The following ZEB1 variants were observed in gnomAD, a reference collection of about 807,000 sequenced individuals.
ZEB1 encodes zinc finger E-box binding homeobox 1, also known as zinc finger E-box-binding homeobox 1.
A neutral mutation model predicts 84.9 loss-of-function variants in ZEB1; 21 were observed. That is an observed-to-expected ratio of 0.25 (90% CI 0.18 to 0.36). The LOEUF is 0.36. Among genes scored for constraint, ZEB1 ranks in the 10% least tolerant of loss-of-function variants. The pLI is 1.00. For missense variants in ZEB1, 1,104 were observed against 1,330.2 expected, an observed-to-expected ratio of 0.83 and a Z score of 2.65; for synonymous variants, 420 against 471.1, an observed-to-expected ratio of 0.89 and a Z score of 1.41.
intron 1 of ZEB1, among the ~76,000 whole-genome samples, chr10:31,384,621 G>A (rs2048304149): frequency 6.6e-6 from 1 of 152,168 alleles, no homozygotes; most frequent in Non-Finnish European, 1.5e-5. Flanking sequence ...AAGTTTTGTA[G>A]GGAACTTAAA....
In ZEB1 at chr10:31,527,072, G is replaced by A; in HGVS notation, c.3186G>A (p.Gly1062=). 1 of 1,586,692 alleles carries A rather than the reference G, an allele frequency of 6.3e-7. No homozygotes were observed. Among genetic ancestry groups the A allele is most frequent in the Non-Finnish European group, 8.6e-7 (1 of 1,163,826 alleles). Residue 1062 remains glycine, a synonymous_variant, in exon 9 of 9, where the codon GGG becomes GGA. Coordinates refer to ENST00000424869, the MANE Select transcript of ZEB1 (RefSeq NM_001174096.2). ...AAAAAGAATGTGAAAAACCACAAGG[G>A]GATGAGGAAGAGGAGGAGGAGGAGG... ...QEEKECEKPQ[G]DEEEEEEEEE...
chr10:31,518,405 A>G (rs1592065199), intron 6 of ZEB1, among the ~76,000 whole-genome samples: 1 of 152,146 alleles, frequency 6.6e-6, no homozygotes, highest in East Asian at 1.9e-4. Context: ...TGACTTGAGA[A>G]GAAAAGTTAC....
chr10:31,457,195 C>A (rs972206294), intron 1 of ZEB1, among the ~76,000 whole-genome samples: 1 of 152,070 alleles, frequency 6.6e-6, no homozygotes, highest in African/African-American at 2.4e-5. Context: ...TTAAACAGTT[C>A]AGGGGTATAG....
intron 2 of ZEB1, among the ~76,000 whole-genome samples, chr10:31,471,555 A>G (rs1282177552): frequency 6.9e-6 from 1 of 145,052 alleles, no homozygotes; most frequent in Non-Finnish European, 1.5e-5. Flanking sequence ...ACCCAGATTC[A>G]TAAAGCAAGT....
chr10:31,522,537 C>G (rs1057094131), intron 7 of ZEB1, among the ~76,000 whole-genome samples: 1 of 152,136 alleles, frequency 6.6e-6, no homozygotes, highest in Non-Finnish European at 1.5e-5. Context: ...AATACATATG[C>G]ATTTTCCTCC....
rs752212757 is a variant in ZEB1, at chr10:31,521,817, G to T, written c.2485G>T (p.Ala829Ser). Residue 829 changes from alanine to serine, a missense_variant, in exon 7 of 9, where the codon GCG (alanine) becomes TCG (serine). By Grantham distance (99) the Ala-to-Ser change is moderately conservative. Coordinates refer to ENST00000424869, the MANE Select transcript of ZEB1 (RefSeq NM_001174096.2). ...CCAGAACAGTGTTCCATGCTTAAGA[G>T]CGCTAGCTGCCAATAAGCAAACGAT... ...ADQNSVPCLR[A>S]LAANKQTILI... 1.1e-5 allele frequency: 18 copies of T among 1,613,588 alleles called. No individual in the cohort carries two copies. Among genetic ancestry groups the T allele is most frequent in the Non-Finnish European group, 1.4e-5 (16 of 1,179,796 alleles).
chr10:31,433,363 C>G (rs562814072), intron 1 of ZEB1, among the ~76,000 whole-genome samples: 1 of 152,160 alleles, frequency 6.6e-6, no homozygotes, highest in African/African-American at 2.4e-5. Flanking sequence ...TTCCAAAATT[C>G]TCATTTACAT....
At chr10:31,484,416 A>C (rs537491053) in intron 2 of ZEB1, among the ~76,000 whole-genome samples, 2 of 152,152 alleles carry the variant, frequency 1.3e-5, no homozygotes, top group East Asian at 3.9e-4. Flanking sequence ...TTTATATATT[A>C]ATCTAATCCT....
intron 1 of ZEB1, among the ~76,000 whole-genome samples, chr10:31,446,392 T>A (rs971547046): frequency 1.8e-4 from 28 of 151,886 alleles, no homozygotes; most frequent in Admixed American, 5.2e-4. Context: ...TTTTGAAGGG[T>A]TTTTTGTCTC....
chr10:31,370,223 G>A (rs914898604), intron 1 of ZEB1, among the ~76,000 whole-genome samples: 6 of 152,136 alleles, frequency 3.9e-5, no homozygotes, highest in African/African-American at 1.4e-4. Flanking sequence ...GTCACCTGAA[G>A]CAGTCAAGAT....
chr10:31,453,022 G>A (rs1360553079), intron 1 of ZEB1, among the ~76,000 whole-genome samples: 1 of 152,038 alleles, frequency 6.6e-6, no homozygotes, highest in Admixed American at 6.6e-5. Flanking sequence ...TCTGATATAT[G>A]TGGAACCAGT....
At chr10:31,452,547 G>A (rs1378885591) in intron 1 of ZEB1, among the ~76,000 whole-genome samples, 1 of 151,966 alleles carries the variant, frequency 6.6e-6, no homozygotes, top group Non-Finnish European at 1.5e-5. Flanking sequence ...CTGCAGTTTT[G>A]TTTTCATTTT....
chr10:31,349,228 G>A lies in ZEB1; in HGVS notation c.58+29936G>A, dbSNP rs79249583. ...ATTATAATGTCCTCCAGGTTCATCC[G>A]TGTCGTTGCAACTGACAGGATTTTC... On this transcript the variant is annotated intron_variant, in intron 1 of 8. Transcript: ENST00000424869. Among the ~76,000 whole-genome samples, 1,070 of 152,228 alleles carry A rather than the reference G, an allele frequency of 7.0e-3. 12 individuals are homozygous for A. Among genetic ancestry groups the A allele is most frequent in the African/African-American group, 0.024 (978 of 41,538 alleles).
At chr10:31,361,331 T>C (rs1224562257) in intron 1 of ZEB1, 2 of 988,578 alleles carry the variant, frequency 2.0e-6, no homozygotes, top group Admixed American at 1.8e-5. Context: ...TAGCTGGGAC[T>C]ACAGGCACAA....
At chr10:31,437,399 T>C (rs970235441) in intron 1 of ZEB1, among the ~76,000 whole-genome samples, 5 of 152,252 alleles carry the variant, frequency 3.3e-5, no homozygotes, top group Non-Finnish European at 7.3e-5. Context: ...CTCAAGCTTG[T>C]AACATATTAT....
chr10:31,363,079 T>C (rs1268085933), intron 1 of ZEB1: 3 of 1,533,852 alleles, frequency 2.0e-6, no homozygotes, highest in Admixed American at 2.0e-5. Context: ...CAGTTTTCTT[T>C]TGTGGGACCT....
intron 2 of ZEB1, among the ~76,000 whole-genome samples, chr10:31,475,598 C>T (rs1414787827): frequency 6.6e-6 from 1 of 152,154 alleles, no homozygotes; most frequent in Non-Finnish European, 1.5e-5. Context: ...GTAGACATCT[C>T]AGCAGCAACC....
At chr10:31,500,922 AGCAAAT>A (rs1415127654) in intron 3 of ZEB1, among the ~76,000 whole-genome samples, 1 of 152,244 alleles carries the variant, frequency 6.6e-6, no homozygotes, top group Non-Finnish European at 1.5e-5. Flanking sequence ...CTTGGTATAT[AGCAAAT>A]GCTAAATAAT....
chr10:31,382,521 T>C (rs575613866), intron 1 of ZEB1, among the ~76,000 whole-genome samples: 6 of 152,136 alleles, frequency 3.9e-5, no homozygotes, highest in Non-Finnish European at 7.4e-5. Flanking sequence ...ACTTAAAGGA[T>C]ATTTGTTCAG....
Sources: gnomAD v4.1 joint callset for allele counts (sites outside exome capture counted in the v4.1 genomes callset) on GRCh38, gnomAD v4.1.1 for gene constraint, MANE v1.5 for transcripts, NCBI Gene and HGNC (gene_info 2026-07-23, HGNC 2026-07-21) for gene names.